FBXO34: variants seen among roughly 807,000 people sequenced by gnomAD.
The protein encoded by FBXO34 is F-box only protein 34.
FBXO34 carries 12 observed loss-of-function variants against 24.5 expected under a neutral mutation model. The ratio of observed to expected loss-of-function variants is 0.49; its 90% CI spans 0.31 to 0.79. The LOEUF (loss-of-function observed/expected upper bound fraction) is 0.79. FBXO34 is among the 30% of genes least tolerant of loss of function. The pLI, the probability that FBXO34 is intolerant of heterozygous loss-of-function variation, is 0.04. For synonymous variants in FBXO34, 320 were observed against 311.9 expected (o/e 1.03, Z -0.27); for missense variants, 823 against 857.7 (o/e 0.96, Z 0.51).
At chr14:55,423,938 T>G in the FBXO34 span, among the ~76,000 whole-genome samples, 1 of 152,224 alleles carries the variant, frequency 6.6e-6, no homozygotes, top group Non-Finnish European at 1.5e-5. Context: ...AATCAGGATG[T>G]AAAGATGAAA....
At chr14:55,275,009 G>T (rs1241219586) in intron 1 of FBXO34, among the ~76,000 whole-genome samples, 1 of 152,200 alleles carries the variant, frequency 6.6e-6, no homozygotes, top group African/African-American at 2.4e-5. Context: ...AATGCATTTA[G>T]GTCATCTGGA....
At chr14:55,434,344 G>A in the FBXO34 span, among the ~76,000 whole-genome samples, 1 of 152,158 alleles carries the variant, frequency 6.6e-6, no homozygotes, top group African/African-American at 2.4e-5. Context: ...GCTGACACTC[G>A]TGAGGGTAGG....
intron 1 of FBXO34, among the ~76,000 whole-genome samples, chr14:55,278,656 A>C (rs73281275): frequency 0.016 from 2,374 of 152,304 alleles, 71 homozygotes; most frequent in African/African-American, 0.055. Flanking sequence ...ATTAAAATGT[A>C]GTTATAAAAG....
chr14:55,281,991 CTTTTT>C (rs372305828), intron 1 of FBXO34, among the ~76,000 whole-genome samples: 2 of 65,162 alleles, frequency 3.1e-5, no homozygotes, highest in Admixed American at 1.6e-4. Context: ...TTAAATTTAG[CTTTTT>C]TTTTTTTTTT....
the FBXO34 span, among the ~76,000 whole-genome samples, chr14:55,416,654 C>G: frequency 2.0e-5 from 3 of 152,022 alleles, no homozygotes; most frequent in African/African-American, 7.3e-5. Context: ...TCTACAAAAC[C>G]AAACTCTTTA....
At chr14:55,399,286 T>A in the FBXO34 span, among the ~76,000 whole-genome samples, 1 of 152,240 alleles carries the variant, frequency 6.6e-6, no homozygotes, top group African/African-American at 2.4e-5. Flanking sequence ...TAAAATTATA[T>A]TAAAAGTTCA....
At chr14:55,435,439 C>T in the FBXO34 span, among the ~76,000 whole-genome samples, 1 of 152,058 alleles carries the variant, frequency 6.6e-6, no homozygotes, top group Non-Finnish European at 1.5e-5. Context: ...CAACATCCAG[C>T]TAATTTTTGT....
Position 55,350,325 on chromosome 14 carries a change from T to C in FBXO34, c.-10-56T>C. On this transcript the variant is annotated intron_variant, in intron 1 of 1. Transcript: ENST00000313833. The stretch of plus-strand genomic sequence containing the variant: ...CCATCTGAGCTTAAATTTAAAAACA[T>C]TTTTTTCTAAAAACAAAATTGGTTT... The C allele has an allele frequency of 3.0e-6, 4 of 1,354,500 alleles. No individual in the cohort carries two copies. The East Asian group carries it at 1.0e-4, about 34-fold the overall frequency. The allele number at this position is 1,354,500 out of a possible 1,614,324, so 83.9% of individuals were successfully genotyped here. A position where few individuals can be genotyped will look rare whatever the true frequency, so the allele number is the denominator to read the frequency against.
intron 1 of FBXO34, among the ~76,000 whole-genome samples, chr14:55,327,463 G>A (rs1883376092): frequency 6.6e-6 from 1 of 152,164 alleles, no homozygotes; most frequent in Non-Finnish European, 1.5e-5. Context: ...CAGGGTAGTA[G>A]CAGTGGAGGT....
At chr14:55,433,677 T>C in the FBXO34 span, 1 of 1,614,162 alleles carries the variant, frequency 6.2e-7, no homozygotes, top group Non-Finnish European at 8.5e-7. Flanking sequence ...ATATAAGGGC[T>C]GTTGTCCTGG....
downstream of FBXO34, chr14:55,368,223 ATTCT>A (rs1054589632): frequency 4.6e-5 from 7 of 152,162 alleles, no homozygotes; most frequent in African/African-American, 9.7e-5. Flanking sequence ...GCTGAGGGAA[ATTCT>A]TTTTTTTTTT....
At chr14:55,421,880 A>T in the FBXO34 span, among the ~76,000 whole-genome samples, 1 of 152,250 alleles carries the variant, frequency 6.6e-6, no homozygotes, top group African/African-American at 2.4e-5. Context: ...CTGAGTTATG[A>T]CTTAATCAAC....
At chr14:55,385,898 G>C in the FBXO34 span, 1 of 1,613,376 alleles carries the variant, frequency 6.2e-7, no homozygotes. Flanking sequence ...AAAAATGACA[G>C]AGGTGAGCTC....
chr14:55,293,669 T>C (rs1219981344), intron 1 of FBXO34, among the ~76,000 whole-genome samples: 2 of 151,982 alleles, frequency 1.3e-5, no homozygotes, highest in Non-Finnish European at 2.9e-5. Flanking sequence ...GCTTAGTAAA[T>C]GGGCATTGTG....
chr14:55,436,920 C>T, the FBXO34 span: 146 of 1,614,116 alleles, frequency 9.0e-5, no homozygotes, highest in African/African-American at 1.6e-3. Context: ...CTTCAGGGTT[C>T]GAATTAAATG....
chr14:55,400,250 C>A, the FBXO34 span, among the ~76,000 whole-genome samples: 2 of 152,270 alleles, frequency 1.3e-5, no homozygotes, highest in East Asian at 3.9e-4. Context: ...CTCAATACAG[C>A]TTCCAAGAGG....
At chr14:55,299,170 C>A in intron 1 of FBXO34, 1 of 1,046,870 alleles carries the variant, frequency 9.6e-7, no homozygotes, top group South Asian at 1.3e-5. Context: ...GGCCCCGAAA[C>A]AGTCCCTCTA....
chr14:55,375,326 GTTTATC>G, the FBXO34 span, among the ~76,000 whole-genome samples: 1 of 152,008 alleles, frequency 6.6e-6, no homozygotes, highest in Non-Finnish European at 1.5e-5. Context: ...TTTTTTGTAT[GTTTATC>G]TTTTTCTTTG....
intron 1 of FBXO34, among the ~76,000 whole-genome samples, chr14:55,314,272 A>T (rs1882853175): frequency 6.6e-6 from 1 of 152,134 alleles, no homozygotes; most frequent in African/African-American, 2.4e-5. Flanking sequence ...GGATTTTGTT[A>T]CCACCTTAGG....
Sources: gnomAD v4.1 joint callset for allele counts (sites outside exome capture counted in the v4.1 genomes callset) on GRCh38, gnomAD v4.1.1 for gene constraint, MANE v1.5 for transcripts, NCBI Gene and HGNC (gene_info 2026-07-23, HGNC 2026-07-21) for gene names.